ACYP2: variants seen among roughly 807,000 people sequenced by gnomAD.
ACYP2 encodes the protein acylphosphatase-2.
Under a neutral mutation model 11.2 loss-of-function variants are expected in ACYP2, and 12 were observed. That is an observed-to-expected ratio of 1.08 (90% CI 0.69 to 1.74). The LOEUF is 1.74. Ranked by LOEUF, ACYP2 falls within the 40% of genes most tolerant of loss-of-function variation. ACYP2 has a pLI of 0.00. For synonymous variants in ACYP2, 43 were observed against 32.2 expected (o/e 1.33, Z -1.13); for missense variants, 134 against 101.9 (o/e 1.31, Z -1.35).
rs1265947186 is a variant in ACYP2 at position 54,305,215 on chromosome 2, T to G, written c.*413T>G. On this transcript the variant is annotated 3_prime_UTR_variant, in exon 7 of 7. Coordinates refer to ENST00000607452, the MANE Select transcript of ACYP2 (RefSeq NM_001320586.2). ...AATTTGTTACTACGGTTATTTGTTA[T>G]TAAACTCTTCAAAAAGAACCAGTGA... is the stretch of plus-strand genomic sequence containing the variant. 3.3e-5 allele frequency: 5 copies of G among 153,120 alleles called. No homozygotes were observed. Among genetic ancestry groups the G allele is most frequent in the Admixed American group, 3.3e-4 (5 of 15,376 alleles). The allele number at this position is 153,120 out of a possible 1,614,324, so 9.5% of individuals were successfully genotyped here. A position where few individuals can be genotyped will look rare whatever the true frequency, so the allele number is the denominator to read the frequency against.
At chr2:54,088,592 C>A (rs944804543) in intron 4 of ACYP2, among the ~76,000 whole-genome samples, 1 of 152,182 alleles carries the variant, frequency 6.6e-6, no homozygotes, top group Non-Finnish European at 1.5e-5. Context: ...CCCTTTCTCA[C>A]GGCAGGCTTC....
chr2:54,187,530 G>A (rs1056775524), intron 6 of ACYP2, among the ~76,000 whole-genome samples: 1 of 152,222 alleles, frequency 6.6e-6, no homozygotes, highest in African/African-American at 2.4e-5. Flanking sequence ...AGAAAGAGAT[G>A]TAGGGAAGGA....
intron 6 of ACYP2, among the ~76,000 whole-genome samples, chr2:54,296,441 CAAAT>C (rs1281422711): frequency 6.6e-6 from 1 of 152,172 alleles, no homozygotes; most frequent in African/African-American, 2.4e-5. Flanking sequence ...ATTTATTACA[CAAAT>C]AGATTTTTCC....
At chr2:54,093,806 C>G (rs13418779) in intron 4 of ACYP2, among the ~76,000 whole-genome samples, 87,080 of 151,874 alleles carry the variant, frequency 0.57, 25,114 homozygotes, top group East Asian at 0.72. Flanking sequence ...CGGGCGTGGT[C>G]GTGGGCGCCT....
chr2:54,024,451 TGTG>T (rs1293695532), intron 2 of ACYP2, among the ~76,000 whole-genome samples: 10 of 152,178 alleles, frequency 6.6e-5, no homozygotes, highest in Non-Finnish European at 1.3e-4. Context: ...AATCAATAAA[TGTG>T]ATACACCACA....
intron 6 of ACYP2, among the ~76,000 whole-genome samples, chr2:54,193,810 T>G (rs1044176091): frequency 6.6e-6 from 1 of 152,314 alleles, no homozygotes; most frequent in Non-Finnish European, 1.5e-5. Flanking sequence ...GTTGTCTTTA[T>G]ATCTGCAAAT....
intron 6 of ACYP2, among the ~76,000 whole-genome samples, chr2:54,201,637 TC>T (rs1254372942): frequency 9.0e-4 from 5 of 5,564 alleles, no homozygotes; most frequent in African/African-American, 4.5e-3. Context: ...TCTTTCTTTC[TC>T]TTTCTTTCTT....
chr2:54,194,101 C>T (rs557745668), intron 6 of ACYP2, among the ~76,000 whole-genome samples: 69 of 152,130 alleles, frequency 4.5e-4, no homozygotes, highest in African/African-American at 1.2e-3. Context: ...TGCAATGGCA[C>T]GATCTAGGCT....
intron 4 of ACYP2, among the ~76,000 whole-genome samples, chr2:54,113,328 C>G (rs1447719706): frequency 6.6e-6 from 1 of 151,502 alleles, no homozygotes; most frequent in Admixed American, 6.6e-5. Flanking sequence ...CAACCTCTGC[C>G]TCCTGGGCAA....
intron 2 of ACYP2, among the ~76,000 whole-genome samples, chr2:54,035,264 TC>T (rs371643064): frequency 3.5e-5 from 5 of 143,218 alleles, no homozygotes; most frequent in Admixed American, 2.8e-4. Flanking sequence ...TTTTTCTTTT[TC>T]TTTTTTTTTT....
At position 54,138,751 on chromosome 2, in the gene ACYP2, G is replaced by A; in HGVS notation, c.404+3G>A. On this transcript the variant is annotated splice_donor_region_variant and intron_variant, in intron 6 of 6. Transcript: ENST00000607452. ...CCAGAAGACAAAGTCAATTCCATGT[G>A]AGTAGTAAAATTAATAACATGTACA... 2 of 1,604,126 alleles carry A rather than the reference G, an allele frequency of 1.2e-6. No individual in the cohort carries two copies. The highest frequency in any genetic ancestry group is 1.7e-6 in the Non-Finnish European group (2 of 1,175,128).
chr2:54,013,552 G>A (rs181114531), intron 2 of ACYP2, among the ~76,000 whole-genome samples: 181 of 151,786 alleles, frequency 1.2e-3, no homozygotes, highest in South Asian at 2.1e-3. Flanking sequence ...CACCCACCTC[G>A]TCCTTCCAAA....
chr2:53,976,274 C>T (rs1346750038), intron 2 of ACYP2, among the ~76,000 whole-genome samples: 1 of 152,166 alleles, frequency 6.6e-6, no homozygotes, highest in Non-Finnish European at 1.5e-5. Flanking sequence ...ATGGCACAAT[C>T]ACAGCTCACT....
intron 6 of ACYP2, among the ~76,000 whole-genome samples, chr2:54,179,848 T>C (rs1375896378): frequency 1.3e-5 from 2 of 152,192 alleles, no homozygotes; most frequent in Non-Finnish European, 2.9e-5. Flanking sequence ...CCCAGTAGTT[T>C]TGAGGCTTAT....
intron 4 of ACYP2, among the ~76,000 whole-genome samples, chr2:54,095,311 G>A (rs573877023): frequency 2.6e-5 from 4 of 152,320 alleles, no homozygotes; most frequent in Admixed American, 2.6e-4. Flanking sequence ...GCAACCATCC[G>A]ATTTCTCAAT....
intron 2 of ACYP2, among the ~76,000 whole-genome samples, chr2:54,046,024 G>A (rs1256813448): frequency 6.6e-6 from 1 of 151,768 alleles, no homozygotes; most frequent in Non-Finnish European, 1.5e-5. Context: ...ACAAAAATTA[G>A]TTGGGCGTGG....
intron 2 of ACYP2, among the ~76,000 whole-genome samples, chr2:54,030,987 AG>A (rs901768412): frequency 7.9e-5 from 12 of 152,162 alleles, no homozygotes; most frequent in African/African-American, 2.9e-4. Flanking sequence ...TATGCCCTCA[AG>A]AAACTCATCC....
At chr2:54,229,362 T>C (rs763495469) in intron 6 of ACYP2, among the ~76,000 whole-genome samples, 29 of 152,226 alleles carry the variant, frequency 1.9e-4, no homozygotes, top group Non-Finnish European at 3.5e-4. Context: ...AGAAATGTAG[T>C]ATGTTATGTA....
intron 4 of ACYP2, among the ~76,000 whole-genome samples, chr2:54,072,346 C>T (rs1012419524): frequency 1.3e-5 from 2 of 152,026 alleles, no homozygotes; most frequent in Non-Finnish European, 2.9e-5. Context: ...TCACTCTATA[C>T]CCAGGCTGGA....
Sources: allele counts gnomAD v4.1 joint callset (sites outside exome capture counted in the v4.1 genomes callset), GRCh38; gene constraint gnomAD v4.1.1; transcripts MANE v1.5; gene names NCBI Gene and HGNC (gene_info 2026-07-23, HGNC 2026-07-21).